LRP11: variants seen among roughly 807,000 people sequenced by gnomAD.
LRP11 encodes LDL receptor related protein 11.
LRP11 carries 25 observed loss-of-function variants against 43.1 expected under a neutral mutation model. The observed-to-expected ratio is 0.58, with a 90% CI of 0.42 to 0.81. The LOEUF is 0.81. LRP11 is among the 30% of genes least tolerant of loss of function. The pLI is 0.00. For missense variants in LRP11, 623 were observed against 665.1 expected (o/e 0.94, Z 0.70); for synonymous variants, 316 against 299.4 (o/e 1.06, Z -0.57).
In LRP11 at chr6:149,819,644, G is replaced by T. The variant is rs1445623556; in HGVS notation, c.*905C>A. 1 of 152,428 alleles carries T rather than the reference G, an allele frequency of 6.6e-6. No homozygotes were observed. Among genetic ancestry groups the T allele is most frequent in the Admixed American group, 6.6e-5 (1 of 15,242 alleles). The allele number at this position is 152,428 out of a possible 1,614,324, so 9.4% of individuals were successfully genotyped here. A position where few individuals can be genotyped will look rare whatever the true frequency, so the allele number is the denominator to read the frequency against. Reference sequence around the variant, plus strand: ...ACATTTTTACAAAAGCTGTACCCAGGAATCCACTCAACGTCCTCTCTTCAA... The same window carrying T: ...ACATTTTTACAAAAGCTGTACCCAGTAATCCACTCAACGTCCTCTCTTCAA... On this transcript the variant is annotated 3_prime_UTR_variant, in exon 7 of 7. Transcript: ENST00000239367.
intron 6 of LRP11, among the ~76,000 whole-genome samples, chr6:149,825,346 C>T (rs1340305386): frequency 1.3e-5 from 2 of 152,170 alleles, no homozygotes; most frequent in South Asian, 2.1e-4. Context: ...CTACTTCCTA[C>T]ACCCTTCCCT....
intron 3 of LRP11, among the ~76,000 whole-genome samples, chr6:149,838,706 A>G (rs1776505238): frequency 6.6e-6 from 1 of 151,922 alleles, no homozygotes; most frequent in African/African-American, 2.4e-5. Flanking sequence ...AAAAGAAAGA[A>G]ATAACGACAT....
intron 6 of LRP11, among the ~76,000 whole-genome samples, chr6:149,822,175 T>C (rs897150196): frequency 2.6e-5 from 4 of 152,032 alleles, no homozygotes; most frequent in African/African-American, 4.8e-5. Flanking sequence ...TGGCGAGACC[T>C]TGTCTCTACA....
chr6:149,840,053 T>C (rs1776524638), intron 3 of LRP11, among the ~76,000 whole-genome samples: 1 of 152,218 alleles, frequency 6.6e-6, no homozygotes, highest in African/African-American at 2.4e-5. Context: ...ATCATTTTTC[T>C]AAGCATGAAA....
intron 1 of LRP11, among the ~76,000 whole-genome samples, chr6:149,861,872 GT>G (rs1174661931): frequency 1.9e-4 from 29 of 152,224 alleles, no homozygotes; most frequent in African/African-American, 6.5e-4. Flanking sequence ...TTCTTTCCTT[GT>G]TTATTTTCCT....
At chr6:149,835,521 T>A (rs1468777526) in intron 5 of LRP11, among the ~76,000 whole-genome samples, 1 of 152,098 alleles carries the variant, frequency 6.6e-6, no homozygotes, top group Admixed American at 6.5e-5. Flanking sequence ...GATGGGAGGA[T>A]CATGTGAGTT....
intron 3 of LRP11, among the ~76,000 whole-genome samples, chr6:149,838,503 G>C (rs1776501922): frequency 6.6e-6 from 1 of 151,554 alleles, no homozygotes; most frequent in South Asian, 2.1e-4. Context: ...GGCTAACACG[G>C]TGAAACCCCG....
At chr6:149,859,396 A>ATATATATTTTTTTT in intron 1 of LRP11, among the ~76,000 whole-genome samples, 11 of 71,492 alleles carry the variant, frequency 1.5e-4, no homozygotes, top group African/African-American at 7.4e-4. Context: ...ATATATATAT[A>ATATATATTTTTTTT]TTTTTTTTTT....
At chr6:149,832,615 A>G (rs1441691306) in intron 5 of LRP11, among the ~76,000 whole-genome samples, 2 of 129,552 alleles carry the variant, frequency 1.5e-5, no homozygotes, top group Non-Finnish European at 3.1e-5. Flanking sequence ...ATGAACAACA[A>G]TGTACTTTTT....
intron 1 of LRP11, among the ~76,000 whole-genome samples, chr6:149,862,577 C>CTTTTTTTTTTTTTTTT (rs10553273): frequency 4.8e-5 from 6 of 126,202 alleles, no homozygotes; most frequent in African/African-American, 1.8e-4. Context: ...TTTTCTTTTC[C>CTTTTTTTTTTTTTTTT]TTTTTTTTTT....
chr6:149,831,512 C>A (rs547481275), intron 5 of LRP11, among the ~76,000 whole-genome samples: 11 of 152,346 alleles, frequency 7.2e-5, no homozygotes, highest in African/African-American at 2.6e-4. Context: ...TGAGCAAACA[C>A]AGGCCACACT....
chr6:149,846,953 T>TATAGAATAGAATAGAATAGAATAGAATAG (rs1554259656), intron 2 of LRP11, among the ~76,000 whole-genome samples: 3 of 131,414 alleles, frequency 2.3e-5, no homozygotes, highest in African/African-American at 8.8e-5. Context: ...TAAAATAAAA[T>TATAGAATAGAATAGAATAGAATAGAATAG]AATAGAATAG....
At chr6:149,831,256 G>A (rs965031364) in intron 5 of LRP11, among the ~76,000 whole-genome samples, 10 of 152,228 alleles carry the variant, frequency 6.6e-5, no homozygotes, top group Non-Finnish European at 1.2e-4. Context: ...AGAGCATGCA[G>A]GCATGATCCG....
intron 1 of LRP11, among the ~76,000 whole-genome samples, chr6:149,857,061 T>C (rs866302832): frequency 6.6e-6 from 1 of 152,230 alleles, no homozygotes; most frequent in African/African-American, 2.4e-5. Flanking sequence ...ATTATAATAG[T>C]TGCCATTTAC....
In LRP11 at chr6:149,863,819, G is replaced by T; in HGVS notation, c.202C>A (p.Gln68Lys). 6.6e-7 allele frequency: 1 copy of T among 1,508,862 alleles called. No homozygotes were observed. Among genetic ancestry groups the T allele is most frequent in the Non-Finnish European group, 8.8e-7 (1 of 1,137,434 alleles). 93.5% of individuals were successfully genotyped at this position (1,508,862 alleles called of 1,614,324 possible). A position where few individuals can be genotyped will look rare whatever the true frequency, so the allele number is the denominator to read the frequency against. The change falls in exon 1 of 7, where the codon CAG becomes AAG. Residue 68 changes from glutamine to lysine, a missense_variant. By Grantham distance (53) the Gln-to-Lys change is moderately conservative. Coordinates refer to ENST00000239367, the MANE Select transcript of LRP11 (RefSeq NM_032832.6). ...LLEEFRRQLQ[Q>K]ERPQEELELE... The stretch of plus-strand genomic sequence containing the variant: ...TCCAGCTCCTCCTGAGGCCGCTCCT[G>T]CTGCAGTTGCCGGCGGAACTCCTCC...
intron 1 of LRP11, among the ~76,000 whole-genome samples, chr6:149,858,817 T>C (rs1776841607): frequency 6.6e-6 from 1 of 152,228 alleles, no homozygotes; most frequent in Non-Finnish European, 1.5e-5. Flanking sequence ...TTTTTCACCA[T>C]TATAAATAAT....
intron 6 of LRP11, 73 bp from the exon 7 acceptor site, chr6:149,820,776 T>TA (rs1776268413): frequency 1.4e-6 from 1 of 729,420 alleles, no homozygotes; most frequent in East Asian, 2.5e-5. Flanking sequence ...CACTATATGA[T>TA]ACGCGCTTTG....
intron 5 of LRP11, among the ~76,000 whole-genome samples, chr6:149,828,530 C>T (rs1417471782): frequency 6.6e-6 from 1 of 151,410 alleles, no homozygotes; most frequent in African/African-American, 2.4e-5. Context: ...CCTTTGTTGC[C>T]CAGGCTAGAG....
At chr6:149,840,131 A>C (rs559012088) in intron 3 of LRP11, among the ~76,000 whole-genome samples, 1 of 152,324 alleles carries the variant, frequency 6.6e-6, no homozygotes, top group South Asian at 2.1e-4. Context: ...GTACCTGCTC[A>C]TCTGTCTACC....
Sources: gnomAD v4.1 joint callset for allele counts (sites outside exome capture counted in the v4.1 genomes callset) on GRCh38, gnomAD v4.1.1 for gene constraint, MANE v1.5 for transcripts, NCBI Gene and HGNC (gene_info 2026-07-23, HGNC 2026-07-21) for gene names.